The following PTPRD variants were observed in gnomAD, a reference collection of about 807,000 sequenced individuals.
PTPRD encodes protein tyrosine phosphatase receptor type D, also known as receptor-type tyrosine-protein phosphatase delta.
PTPRD carries 34 observed loss-of-function variants against 214.5 expected under a neutral mutation model. The ratio of observed to expected loss-of-function variants is 0.16; its 90% confidence interval spans 0.12 to 0.21. The LOEUF (loss-of-function observed/expected upper bound fraction) is 0.21. PTPRD is among the 10% of genes least tolerant of loss of function. PTPRD has a pLI of 1.00. For synonymous variants in PTPRD, 1,128 were observed against 845.7 expected, an observed-to-expected ratio of 1.33 and a Z score of -5.79; for missense variants, 2,545 against 2,398.7, an observed-to-expected ratio of 1.06 and a Z score of -1.27.
chr9:9,029,695 G>T (rs1319450896), intron 10 of PTPRD, among the ~76,000 whole-genome samples: 1 of 151,874 alleles, frequency 6.6e-6, no homozygotes, highest in Non-Finnish European at 1.5e-5. Flanking sequence ...AGGGTTATAA[G>T]TCCTGGAATG....
At chr9:9,995,640 C>T (rs2096093415) in intron 4 of PTPRD, among the ~76,000 whole-genome samples, 2 of 152,106 alleles carry the variant, frequency 1.3e-5, no homozygotes, top group Non-Finnish European at 2.9e-5. Flanking sequence ...CTGTTTTGCT[C>T]TTAGGCCTTA....
intron 11 of PTPRD, among the ~76,000 whole-genome samples, chr9:8,982,630 T>A (rs2154341259): frequency 6.6e-6 from 1 of 152,058 alleles, no homozygotes; most frequent in African/African-American, 2.4e-5. Context: ...CTTATAAATT[T>A]GTTTTTATAA....
In PTPRD at chr9:9,813,750, T is replaced by C. The variant is rs1042752876; in HGVS notation, c.-367-46899A>G. 1.1e-4 allele frequency among the ~76,000 whole-genome samples: 16 copies of C among 152,216 alleles called. No homozygotes were observed. In the East Asian group the frequency reaches 2.7e-3, roughly 26 times the overall value. ...TAAAAATTTGAAAAGGGAATACTTC[T>C]AAACTCATTTTAAAAGGTCAGAATT... is the stretch of plus-strand genomic sequence containing the variant. On this transcript the variant is annotated intron_variant, in intron 5 of 45. Transcript: ENST00000381196.
In PTPRD at chr9:10,479,658, T is replaced by TAAATAAATAAAC. The variant is rs141946645; in HGVS notation, c.-600+132739_-600+132740insGTTTATTTATTT. On this transcript the variant is annotated intron_variant, in intron 2 of 45. Transcript: ENST00000381196. ...ATAAATAAATAAATAAATAAATAAATAAACAAAAATACAAAAATTTGCCAA... is the reference window on the plus strand; with the variant it reads ...ATAAATAAATAAATAAATAAATAAATAAATAAATAAACAAACAAAAATACAAAAATTTGCCAA... 4.5e-3 allele frequency among the ~76,000 whole-genome samples: 656 copies of TAAATAAATAAAC among 145,898 alleles called. 2 individuals are homozygous for TAAATAAATAAAC. Among genetic ancestry groups the TAAATAAATAAAC allele is most frequent in the African/African-American group, 0.015 (604 of 40,114 alleles).
At chr9:9,577,724 T>C (rs1454536089) in intron 7 of PTPRD, among the ~76,000 whole-genome samples, 1 of 152,058 alleles carries the variant, frequency 6.6e-6, no homozygotes, top group East Asian at 1.9e-4. Flanking sequence ...TTTTAAGAAA[T>C]TTTATTTCAC....
chr9:9,683,407 T>C (rs934587090), intron 7 of PTPRD, among the ~76,000 whole-genome samples: 2 of 151,730 alleles, frequency 1.3e-5, no homozygotes, highest in African/African-American at 4.8e-5. Context: ...TGGAGACAGA[T>C]ACCAGCACCT....
chr9:8,368,446 CT>C (rs1399141627), intron 39 of PTPRD, among the ~76,000 whole-genome samples: 1 of 152,048 alleles, frequency 6.6e-6, no homozygotes, highest in African/African-American at 2.4e-5. Flanking sequence ...CTCAGTTGCC[CT>C]TGAAGGAACC....
intron 27 of PTPRD, among the ~76,000 whole-genome samples, chr9:8,486,657 A>G (rs923810003): frequency 6.6e-6 from 1 of 152,224 alleles, no homozygotes; most frequent in Non-Finnish European, 1.5e-5. Flanking sequence ...GGTTCATATC[A>G]AAGATAAATT....
At chr9:8,852,569 G>A (rs1235867790) in intron 11 of PTPRD, among the ~76,000 whole-genome samples, 1 of 152,198 alleles carries the variant, frequency 6.6e-6, no homozygotes. Context: ...CTCGTCGCAG[G>A]TGAAGAGGGA....
chr9:9,918,213 A>G (rs1349295737), intron 5 of PTPRD, among the ~76,000 whole-genome samples: 1 of 151,992 alleles, frequency 6.6e-6, no homozygotes, highest in African/African-American at 2.4e-5. Context: ...TGCAGAATAT[A>G]AAAATCAATA....
intron 2 of PTPRD, among the ~76,000 whole-genome samples, chr9:10,572,895 T>A (rs1382997424): frequency 6.6e-6 from 1 of 152,124 alleles, no homozygotes; most frequent in Non-Finnish European, 1.5e-5. Flanking sequence ...TTTTAAACTT[T>A]TAAGTTTTTT....
At chr9:9,945,343 G>A (rs2092397986) in intron 4 of PTPRD, among the ~76,000 whole-genome samples, 1 of 152,056 alleles carries the variant, frequency 6.6e-6, no homozygotes, top group African/African-American at 2.4e-5. Context: ...GATCACATGA[G>A]GTCACCAAAG....
intron 4 of PTPRD, among the ~76,000 whole-genome samples, chr9:9,959,570 T>G (rs2094202652): frequency 6.6e-6 from 1 of 152,124 alleles, no homozygotes; most frequent in East Asian, 1.9e-4. Flanking sequence ...CTACGACAAA[T>G]ATATGAAAAA....
intron 12 of PTPRD, among the ~76,000 whole-genome samples, chr9:8,727,434 TA>T (rs1007087920): frequency 2.1e-4 from 32 of 152,190 alleles, no homozygotes; most frequent in Admixed American, 5.9e-4. Flanking sequence ...CTAATTTAGC[TA>T]CTTTAAAGTG....
intron 10 of PTPRD, among the ~76,000 whole-genome samples, chr9:9,030,799 A>G (rs928891225): frequency 6.6e-6 from 1 of 151,970 alleles, no homozygotes; most frequent in Non-Finnish European, 1.5e-5. Flanking sequence ...AATGAATCCA[A>G]TATGTATCCT....
intron 9 of PTPRD, among the ~76,000 whole-genome samples, chr9:9,200,835 TTA>T (rs1325828164): frequency 6.6e-6 from 1 of 152,230 alleles, no homozygotes; most frequent in Admixed American, 6.5e-5. Flanking sequence ...AAAGAAATTA[TTA>T]AAGCTTACAC....
At chr9:9,105,914 G>C (rs1569543345) in intron 10 of PTPRD, among the ~76,000 whole-genome samples, 1 of 152,090 alleles carries the variant, frequency 6.6e-6, no homozygotes, top group Non-Finnish European at 1.5e-5. Context: ...GCTCTTTTTG[G>C]TACATTCAGG....
At chr9:8,914,648 G>A (rs899353542) in intron 11 of PTPRD, among the ~76,000 whole-genome samples, 1 of 152,126 alleles carries the variant, frequency 6.6e-6, no homozygotes, top group Non-Finnish European at 1.5e-5. Context: ...GGCTGACAAT[G>A]TAACTAGGAG....
chr9:8,926,934 T>A (rs1405077157), intron 11 of PTPRD, among the ~76,000 whole-genome samples: 2 of 152,170 alleles, frequency 1.3e-5, no homozygotes, highest in Admixed American at 6.5e-5. Context: ...GGAATAATGA[T>A]GAGTCAGTTT....
Sources: gnomAD v4.1 joint callset for allele counts (sites outside exome capture counted in the v4.1 genomes callset) on GRCh38, gnomAD v4.1.1 for gene constraint, MANE v1.5 for transcripts, NCBI Gene and HGNC (gene_info 2026-07-23, HGNC 2026-07-21) for gene names.